The following BTD variants were observed in gnomAD, a reference collection of about 807,000 sequenced individuals.
BTD encodes biocytinase.
Under a neutral mutation model 17.7 loss-of-function variants are expected in BTD, and 13 were observed. The ratio of observed to expected loss-of-function variants is 0.74; its 90% CI spans 0.48 to 1.17. The LOEUF (loss-of-function observed/expected upper bound fraction) is 1.17, where lower values mean the gene tolerates loss of function less well. Ranked by LOEUF, BTD falls within the 50% of genes most tolerant of loss-of-function variation. The probability of loss-of-function intolerance (pLI) is 0.00; values close to 1 mark genes in which losing one functional copy is unlikely to be tolerated. For synonymous variants in BTD, 240 were observed against 245.2 expected, an observed-to-expected ratio of 0.98 and a Z score of 0.20; for missense variants, 674 against 650.4, an observed-to-expected ratio of 1.04 and a Z score of -0.39.
At chr3:15,605,048 C>G (rs1436052783) in intron 1 of BTD, among the ~76,000 whole-genome samples, 1 of 152,236 alleles carries the variant, frequency 6.6e-6, no homozygotes, top group African/African-American at 2.4e-5. Context: ...GCCAGTTACC[C>G]AGTTCCAAAG....
At chr3:15,678,982 G>A (rs2067245503) in intron 3 of BTD, among the ~76,000 whole-genome samples, 1 of 152,046 alleles carries the variant, frequency 6.6e-6, no homozygotes, top group Admixed American at 6.6e-5. Flanking sequence ...ACCTTTTTGG[G>A]GGGTAGGGCC....
chr3:15,619,776 G>T (rs868087522), intron 1 of BTD, among the ~76,000 whole-genome samples: 1 of 152,236 alleles, frequency 6.6e-6, no homozygotes, highest in African/African-American at 2.4e-5. Flanking sequence ...ATAAGTGTCA[G>T]CTGGCTGAGA....
At chr3:15,704,059 A>G (rs2071001338) in intron 3 of BTD, among the ~76,000 whole-genome samples, 1 of 152,192 alleles carries the variant, frequency 6.6e-6, no homozygotes, top group Admixed American at 6.5e-5. Flanking sequence ...GGTGTGGAGA[A>G]GACCCACATG....
At chr3:15,675,505 C>T (rs2066844962) in intron 3 of BTD, among the ~76,000 whole-genome samples, 1 of 152,092 alleles carries the variant, frequency 6.6e-6, no homozygotes, top group African/African-American at 2.4e-5. Context: ...AGAGAACTGT[C>T]AAACTGACAT....
chr3:15,632,046 C>A (rs546450688), intron 1 of BTD, among the ~76,000 whole-genome samples: 1 of 152,150 alleles, frequency 6.6e-6, no homozygotes, highest in Admixed American at 6.5e-5. Context: ...TGCACCCGCC[C>A]GTGAGGCATG....
chr3:15,637,531 G>A (rs923084694), intron 2 of BTD, among the ~76,000 whole-genome samples: 20 of 152,146 alleles, frequency 1.3e-4, no homozygotes, highest in African/African-American at 4.6e-4. Context: ...GGGCTATTTA[G>A]GGATCTTTAC....
chr3:15,633,287 A>G (rs1040011909), intron 1 of BTD, among the ~76,000 whole-genome samples: 5 of 152,018 alleles, frequency 3.3e-5, no homozygotes, highest in African/African-American at 1.2e-4. Flanking sequence ...GGGCCGGCTG[A>G]CTAGACCTAT....
chr3:15,659,941 A>G (rs548465270), intron 3 of BTD, among the ~76,000 whole-genome samples: 1 of 152,236 alleles, frequency 6.6e-6, no homozygotes, highest in Non-Finnish European at 1.5e-5. Flanking sequence ...AAGGTCACAC[A>G]GCCAAAAAGT....
chr3:15,690,216 T>C lies in BTD; in HGVS notation c.400-19844T>C, dbSNP rs377549137. The C allele has an allele frequency of 1.9e-5, 30 of 1,590,168 alleles. No individual in the cohort carries two copies. The Admixed American group carries it at 2.3e-4, about 12-fold the overall frequency. On this transcript the variant is annotated intron_variant, in intron 3 of 3. Coordinates refer to the BTD transcript ENST00000672141. ...TTCCAGTGCTTGATGGTGACCATGA[T>C]AGGCCTAGAAATAAATAAAAATGTA...
At chr3:15,605,779 C>T (rs758742738) in intron 1 of BTD, among the ~76,000 whole-genome samples, 1 of 152,136 alleles carries the variant, frequency 6.6e-6, no homozygotes, top group Non-Finnish European at 1.5e-5. Flanking sequence ...CACAATGGCT[C>T]ATGCCTGTAA....
chr3:15,659,517 C>T lies in BTD; in HGVS notation c.399+17460C>T, dbSNP rs2065901165. On this transcript the variant is annotated intron_variant, in intron 3 of 3. Transcript: ENST00000672141. The stretch of plus-strand genomic sequence containing the variant: ...GCTTTCCAGCCACCCCTGGCTCCAT[C>T]ATCTCTATTTCCTTTCACATAGGCG... Among the ~76,000 whole-genome samples, 4 of 152,364 alleles carry T rather than the reference C, an allele frequency of 2.6e-5. No homozygotes were observed. The South Asian group carries it at 8.3e-4, about 32-fold the overall frequency.
intron 1 of BTD, among the ~76,000 whole-genome samples, chr3:15,605,136 C>T (rs1248069578): frequency 6.6e-6 from 1 of 152,194 alleles, no homozygotes; most frequent in Non-Finnish European, 1.5e-5. Context: ...AGTCCCTTTT[C>T]ATACTGCTAT....
At chr3:15,674,174 C>CAAAAA (rs34806568) in intron 3 of BTD, among the ~76,000 whole-genome samples, 4,821 of 40,224 alleles carry the variant, frequency 0.12, 1,153 homozygotes, top group Middle Eastern at 0.2. Context: ...CCTGCCTCTT[C>CAAAAA]AAAAAAAAAA....
In BTD at chr3:15,645,185, T is replaced by C. The variant is rs1288481287; in HGVS notation, c.1269T>C (p.Phe423=). Residue 423 remains phenylalanine (F), a synonymous_variant, in exon 4 of 4, where the codon TTT becomes TTC. Transcript: ENST00000643237. ...LSKELYALGV[F]DGLHTVHGTY... ...AAGAGCTGTATGCCCTGGGGGTCTT[T>C]GATGGGCTTCACACAGTACATGGCA... The C allele has an allele frequency of 6.2e-7, 1 of 1,614,176 alleles. No homozygotes were observed. The highest frequency in any genetic ancestry group is 1.3e-5 in the African/African-American group (1 of 75,036).
intron 3 of BTD, among the ~76,000 whole-genome samples, chr3:15,642,418 A>G (rs1417581853): frequency 6.7e-6 from 1 of 149,408 alleles, no homozygotes; most frequent in Non-Finnish European, 1.5e-5. Context: ...ATTCAGTTGT[A>G]TTCTTTTCTA....
chr3:15,671,450 G>A (rs2066342369), intron 3 of BTD, among the ~76,000 whole-genome samples: 1 of 152,088 alleles, frequency 6.6e-6, no homozygotes, highest in African/African-American at 2.4e-5. Flanking sequence ...AACATTACCA[G>A]CATACCAGAA....
rs566528834 is a variant in BTD, at chr3:15,653,060, C to G, written c.*7572C>G. Among the ~76,000 whole-genome samples the G allele has an allele frequency of 6.6e-6, 1 of 152,334 alleles. No individual in the cohort carries two copies. Among genetic ancestry groups the G allele is most frequent in the Non-Finnish European group, 1.5e-5 (1 of 68,020 alleles). ...AGAATTTTGTCTAATCCACCCCAGACAGAGTTATCCAACAGCCTGGTATGG... is the reference window on the plus strand; with the variant it reads ...AGAATTTTGTCTAATCCACCCCAGAGAGAGTTATCCAACAGCCTGGTATGG... On this transcript the variant is annotated 3_prime_UTR_variant, in exon 4 of 4. Coordinates refer to ENST00000643237, the MANE Select transcript of BTD (RefSeq NM_001370658.1).
intron 3 of BTD, chr3:15,675,781 T>A: frequency 1.2e-6 from 1 of 841,616 alleles, no homozygotes; most frequent in Non-Finnish European, 1.7e-6. Context: ...TACTCTTCAA[T>A]ATTAACTTTA....
intron 3 of BTD, among the ~76,000 whole-genome samples, chr3:15,697,757 G>C (rs562953086): frequency 1.3e-5 from 2 of 152,190 alleles, no homozygotes; most frequent in Admixed American, 1.3e-4. Flanking sequence ...AAATGAGTTA[G>C]GGAGGATTCC....
Sources: allele counts gnomAD v4.1 joint callset (sites outside exome capture counted in the v4.1 genomes callset), GRCh38; gene constraint gnomAD v4.1.1; transcripts MANE v1.5; gene names NCBI Gene and HGNC (gene_info 2026-07-23, HGNC 2026-07-21).